GABRA2: variants seen among roughly 807,000 people sequenced by gnomAD.
The protein encoded by GABRA2 is gamma-aminobutyric acid type A receptor subunit alpha2.
In GABRA2, 16 loss-of-function variants were observed where a neutral mutation model predicts 48.7. The observed-to-expected ratio is 0.33, with a 90% CI of 0.22 to 0.50. GABRA2 has a LOEUF of 0.50. GABRA2 is among the 20% of genes least tolerant of loss of function. The pLI, the probability that GABRA2 is intolerant of heterozygous loss-of-function variation, is 0.98. For missense variants in GABRA2, 275 were observed against 535.6 expected (o/e 0.51, Z 4.80); for synonymous variants, 185 against 184.5 (o/e 1.00, Z -0.02).
At chr4:46,370,372 A>C (rs1434761904) in intron 3 of GABRA2, among the ~76,000 whole-genome samples, 1 of 152,080 alleles carries the variant, frequency 6.6e-6, no homozygotes, top group South Asian at 2.1e-4. Flanking sequence ...AAGAAAAAAA[A>C]CTGATAAAGA....
At chr4:46,307,853 A>T (rs1457894937) in intron 6 of GABRA2, among the ~76,000 whole-genome samples, 1 of 152,206 alleles carries the variant, frequency 6.6e-6, no homozygotes, top group Admixed American at 6.5e-5. Flanking sequence ...ATAATGCAGC[A>T]GAAATTTATG....
At chr4:46,257,773 TA>T (rs950554179) in intron 9 of GABRA2, among the ~76,000 whole-genome samples, 47 of 150,370 alleles carry the variant, frequency 3.1e-4, no homozygotes, top group African/African-American at 1.1e-3. Context: ...TAGAAAGGAG[TA>T]AAAAAAACTA....
chr4:46,256,063 C>T (rs982554385), intron 9 of GABRA2: 2 of 427,316 alleles, frequency 4.7e-6, no homozygotes, highest in Non-Finnish European at 8.3e-6. Flanking sequence ...TCTACCATAC[C>T]ATGTTGCCTT....
At chr4:46,257,871 C>T (rs368211083) in intron 9 of GABRA2, among the ~76,000 whole-genome samples, 47 of 151,656 alleles carry the variant, frequency 3.1e-4, no homozygotes, top group East Asian at 2.5e-3. Flanking sequence ...AGATGTTGAG[C>T]GATACTTCCA....
At chr4:46,266,535 G>T (rs1168752020) in intron 8 of GABRA2, among the ~76,000 whole-genome samples, 1 of 150,704 alleles carries the variant, frequency 6.6e-6, no homozygotes, top group East Asian at 2.0e-4. Flanking sequence ...TACTTTGCTT[G>T]TAACATTTGG....
intron 3 of GABRA2, among the ~76,000 whole-genome samples, chr4:46,374,060 C>G (rs771140567): frequency 1.3e-5 from 2 of 152,058 alleles, no homozygotes; most frequent in Non-Finnish European, 2.9e-5. Flanking sequence ...AAGAGTTTCT[C>G]TATATGATCA....
chr4:46,312,765 C>T (rs1727866752), intron 4 of GABRA2, 49 bp from the exon 5 acceptor site: 1 of 929,692 alleles, frequency 1.1e-6, no homozygotes, highest in Non-Finnish European at 1.6e-6. Flanking sequence ...GTTGTAGACA[C>T]AAGACACGGT....
In GABRA2 at chr4:46,304,880, G is replaced by A. The variant is rs559065683; in HGVS notation, c.703+688C>T. On this transcript the variant is annotated intron_variant, in intron 7 of 9. Transcript: ENST00000381620. ...GTGGAGGTTGCAGTGAGCCCAGATC[G>A]TGCCACTGCACTCCAGCCTGGTGAC... Among the ~76,000 whole-genome samples, 733 of 138,326 alleles carry A rather than the reference G, an allele frequency of 5.3e-3. 6 individuals are homozygous for A. The highest frequency in any genetic ancestry group is 0.016 in the African/African-American group (612 of 37,348). The allele number at this position is 138,326 out of a possible 152,430, so 90.7% of individuals were successfully genotyped here. A position where few individuals can be genotyped will look rare whatever the true frequency, so the allele number is the denominator to read the frequency against.
intron 3 of GABRA2, 25 bp from the exon 4 acceptor site, chr4:46,332,707 A>G: frequency 3.9e-6 from 5 of 1,276,610 alleles, no homozygotes; most frequent in Middle Eastern, 2.0e-4. Flanking sequence ...GAGATTGAAT[A>G]TAGATATTAT....
At chr4:46,303,302 G>A in intron 8 of GABRA2, 158 bp downstream of exon 8, 1 of 669,344 alleles carries the variant, frequency 1.5e-6, no homozygotes, top group Non-Finnish European at 2.6e-6. Flanking sequence ...GTAGCACTAT[G>A]TTACCACTCT....
rs34292975 is a variant in GABRA2, at chr4:46,304,923, C to CAAAA, written c.703+641_703+644dup. ...CTGGTGACAGAGCAAGACTCTGTCT[C>CAAAA]AAAAAAAAAAAAAAAAAAAATCATT... On this transcript the variant is annotated intron_variant, in intron 7 of 9. Transcript: ENST00000381620. Among the ~76,000 whole-genome samples the CAAAA allele has an allele frequency of 3.7e-3, 296 of 80,322 alleles. 7 individuals are homozygous for CAAAA. Among genetic ancestry groups the CAAAA allele is most frequent in the Admixed American group, 4.1e-3 (27 of 6,626 alleles). The allele number at this position is 80,322 out of a possible 152,430, so 52.7% of individuals were successfully genotyped here.
intron 3 of GABRA2, among the ~76,000 whole-genome samples, chr4:46,352,289 C>T (rs1735258739): frequency 6.6e-6 from 1 of 151,934 alleles, no homozygotes; most frequent in South Asian, 2.1e-4. Context: ...CTCACCCAAG[C>T]TCTCCTGTTT....
At chr4:46,312,339 T>G (rs1474640172) in intron 5 of GABRA2, among the ~76,000 whole-genome samples, 157 bp downstream of exon 5, 1 of 152,208 alleles carries the variant, frequency 6.6e-6, no homozygotes, top group Non-Finnish European at 1.5e-5. Flanking sequence ...TATATAGTTT[T>G]TTAAATCAAA....
intron 8 of GABRA2, among the ~76,000 whole-genome samples, chr4:46,276,311 G>T (rs539928507): frequency 6.6e-6 from 1 of 151,930 alleles, no homozygotes; most frequent in Non-Finnish European, 1.5e-5. Flanking sequence ...CCTAGACATG[G>T]GTTAACTAGG....
chr4:46,255,695 T>C (rs1162610089), intron 9 of GABRA2, among the ~76,000 whole-genome samples: 1 of 151,614 alleles, frequency 6.6e-6, no homozygotes, highest in Admixed American at 6.6e-5. Context: ...TAAGTATGTT[T>C]TGAGTGTATT....
At chr4:46,378,503 C>G (rs967534557) in intron 3 of GABRA2, among the ~76,000 whole-genome samples, 5 of 151,652 alleles carry the variant, frequency 3.3e-5, no homozygotes, top group Admixed American at 6.6e-5. Context: ...TCTCAAGTAC[C>G]CAGGGACACA....
chr4:46,292,569 G>A (rs566923141), intron 8 of GABRA2, among the ~76,000 whole-genome samples: 7 of 152,262 alleles, frequency 4.6e-5, no homozygotes, highest in South Asian at 2.1e-4. Flanking sequence ...CGATTTGGGC[G>A]CACTAAGTAG....
At chr4:46,304,193 A>T (rs1726234823) in intron 7 of GABRA2, among the ~76,000 whole-genome samples, 1 of 152,270 alleles carries the variant, frequency 6.6e-6, no homozygotes, top group Admixed American at 6.5e-5. Context: ...TCCCACTGGT[A>T]TAAACCTCGT....
intron 3 of GABRA2, among the ~76,000 whole-genome samples, chr4:46,343,185 A>G (rs1313642937): frequency 6.6e-6 from 1 of 152,002 alleles, no homozygotes; most frequent in African/African-American, 2.4e-5. Context: ...CCACAATAAC[A>G]TTAATTTTCA....
Sources: allele counts gnomAD v4.1 joint callset (sites outside exome capture counted in the v4.1 genomes callset), GRCh38; gene constraint gnomAD v4.1.1; transcripts MANE v1.5; gene names NCBI Gene and HGNC (gene_info 2026-07-23, HGNC 2026-07-21).